Variants in ARAP2 observed in about 807,000 individuals in gnomAD.
ARAP2 encodes arf-GAP with Rho-GAP domain, ANK repeat and PH domain-containing protein 2.
A neutral mutation model predicts 194.5 loss-of-function variants in ARAP2; 148 were observed. The observed-to-expected ratio is 0.76, with a 90% CI of 0.67 to 0.87. ARAP2 has a LOEUF of 0.87. Ranked by LOEUF, ARAP2 falls within the 40% of genes least tolerant of loss-of-function variation. The pLI is 0.00. For synonymous variants in ARAP2, 695 were observed against 683.5 expected, an observed-to-expected ratio of 1.02 and a Z score of -0.26; for missense variants, 2,128 against 1,989.7, an observed-to-expected ratio of 1.07 and a Z score of -1.32.
At chr4:36,150,522 A>C (rs1015902251) in intron 16 of ARAP2, among the ~76,000 whole-genome samples, 1 of 151,838 alleles carries the variant, frequency 6.6e-6, no homozygotes, top group African/African-American at 2.4e-5. Context: ...AGCATGTGCA[A>C]TCCCAGTTAC....
intron 9 of ARAP2, among the ~76,000 whole-genome samples, chr4:36,176,247 A>T (rs1170799008): frequency 6.6e-6 from 1 of 152,164 alleles, no homozygotes; most frequent in Non-Finnish European, 1.5e-5. Flanking sequence ...ACATAGACAA[A>T]AATGTCTTCC....
At chr4:36,243,901 A>C (rs1196651662) in intron 1 of ARAP2, 1 of 152,226 alleles carries the variant, frequency 6.6e-6, no homozygotes, top group African/African-American at 2.4e-5. Flanking sequence ...AAGGTAGGGG[A>C]GAGGAATGGA....
intron 9 of ARAP2, among the ~76,000 whole-genome samples, chr4:36,168,089 T>C (rs1735697937): frequency 6.6e-6 from 1 of 152,152 alleles, no homozygotes; most frequent in Middle Eastern, 3.2e-3. Context: ...CATCTGCCTC[T>C]TCTCTTTGTC....
intron 5 of ARAP2, among the ~76,000 whole-genome samples, chr4:36,044,765 A>G (rs1462725083): frequency 3.9e-5 from 6 of 152,172 alleles, no homozygotes; most frequent in Non-Finnish European, 7.4e-5. Context: ...GAGACAATCT[A>G]TAGAACAGGG....
At chr4:36,031,823 C>A (rs1719021629) in intron 5 of ARAP2, among the ~76,000 whole-genome samples, 1 of 152,076 alleles carries the variant, frequency 6.6e-6, no homozygotes, top group Non-Finnish European at 1.5e-5. Flanking sequence ...CGCCCGCCAC[C>A]ACACCCAGCT....
intron 4 of ARAP2, chr4:36,046,098 T>G (rs1168187119): frequency 2.0e-5 from 3 of 152,192 alleles, no homozygotes; most frequent in Admixed American, 2.0e-4. Flanking sequence ...AGGGAATAAT[T>G]AACCAGGTCA....
intron 8 of ARAP2, among the ~76,000 whole-genome samples, chr4:36,185,449 T>C (rs541882075): frequency 6.6e-6 from 1 of 152,246 alleles, no homozygotes; most frequent in South Asian, 2.1e-4. Context: ...ATCCACAGTT[T>C]GAACAAAGCT....
chr4:36,032,129 T>C (rs1719085571), intron 5 of ARAP2, among the ~76,000 whole-genome samples: 1 of 152,164 alleles, frequency 6.6e-6, no homozygotes, highest in South Asian at 2.1e-4. Flanking sequence ...ATTTATATTA[T>C]CAGAATAAAG....
chr4:36,145,768 T>C (rs1449080727), intron 19 of ARAP2, among the ~76,000 whole-genome samples: 3 of 152,072 alleles, frequency 2.0e-5, no homozygotes, highest in South Asian at 4.1e-4. Context: ...GTGATCATTC[T>C]CCTATTCTAG....
intron 15 of ARAP2, among the ~76,000 whole-genome samples, chr4:36,153,228 C>G (rs999150186): frequency 1.3e-5 from 2 of 152,026 alleles, no homozygotes; most frequent in South Asian, 2.1e-4. Flanking sequence ...GGCAGGTGCA[C>G]GTATTGTCTT....
intron 19 of ARAP2, among the ~76,000 whole-genome samples, chr4:36,142,148 C>A (rs1728499398): frequency 6.6e-6 from 1 of 151,640 alleles, no homozygotes; most frequent in African/African-American, 2.4e-5. Context: ...TCCTAGTTCA[C>A]AAAGCAATTG....
chr4:36,028,214 A>G (rs1718261171), intron 5 of ARAP2, among the ~76,000 whole-genome samples: 1 of 152,212 alleles, frequency 6.6e-6, no homozygotes, highest in South Asian at 2.1e-4. Flanking sequence ...TAAAAGAATT[A>G]GAAAGAAGAT....
chr4:36,041,416 G>A (rs1720849822), intron 5 of ARAP2, among the ~76,000 whole-genome samples: 1 of 152,048 alleles, frequency 6.6e-6, no homozygotes, highest in South Asian at 2.1e-4. Flanking sequence ...CAGCCAACAA[G>A]CACATCAAGA....
At chr4:36,156,476 GAAGA>G (rs1358260688) in intron 15 of ARAP2, among the ~76,000 whole-genome samples, 7 of 126,878 alleles carry the variant, frequency 5.5e-5, no homozygotes, top group Admixed American at 4.0e-4. Context: ...AAATGAAAGA[GAAGA>G]AAGAAAGAAA....
In ARAP2 at chr4:36,136,604, A is replaced by G. The variant is rs1445494791; in HGVS notation, c.3264-3215T>C. On this transcript the variant is annotated intron_variant, in intron 19 of 32. Coordinates refer to ENST00000303965, the MANE Select transcript of ARAP2 (RefSeq NM_015230.4). ...TATGCTCATATAAAAAAGATTTTAA[A>G]CAAAACTGAAAAGCAAATGAAATAC... Among the ~76,000 whole-genome samples, 4 of 151,852 alleles carry G rather than the reference A, an allele frequency of 2.6e-5. 1 individual carries two copies. Among genetic ancestry groups the G allele is most frequent in the Non-Finnish European group, 5.9e-5 (4 of 67,888 alleles).
At chr4:36,115,627 C>G (rs1176474326) in intron 25 of ARAP2, among the ~76,000 whole-genome samples, 1 of 151,860 alleles carries the variant, frequency 6.6e-6, no homozygotes, top group Non-Finnish European at 1.5e-5. Flanking sequence ...AACGTCCAGT[C>G]GAGATTATGA....
At chr4:36,112,036 G>A (rs1232258557) in intron 26 of ARAP2, among the ~76,000 whole-genome samples, 1 of 151,974 alleles carries the variant, frequency 6.6e-6, no homozygotes, top group African/African-American at 2.4e-5. Context: ...AGGGCCCTGA[G>A]ATCTCTTCAT....
chr4:36,079,187 A>C (rs1728937123), intron 31 of ARAP2, among the ~76,000 whole-genome samples: 1 of 151,292 alleles, frequency 6.6e-6, no homozygotes, highest in South Asian at 2.1e-4. Context: ...AAAAAAAAAA[A>C]AAAAAAAAAG....
intron 20 of ARAP2, among the ~76,000 whole-genome samples, chr4:36,131,815 C>T (rs1306132312): frequency 6.6e-6 from 1 of 151,754 alleles, no homozygotes; most frequent in African/African-American, 2.4e-5. Context: ...GCAAAATGTA[C>T]TAACACTGAG....
Sources: gnomAD v4.1 joint callset for allele counts (sites outside exome capture counted in the v4.1 genomes callset) on GRCh38, gnomAD v4.1.1 for gene constraint, MANE v1.5 for transcripts, NCBI Gene and HGNC (gene_info 2026-07-23, HGNC 2026-07-21) for gene names.